The following TTC39C variants were observed in gnomAD, a reference collection of about 807,000 sequenced individuals.
TTC39C encodes the protein tetratricopeptide repeat domain 39C.
Under a neutral mutation model 76.3 loss-of-function variants are expected in TTC39C, and 33 were observed. The observed-to-expected ratio is 0.43, with a 90% CI of 0.33 to 0.58. TTC39C has a LOEUF of 0.58. Ranked by LOEUF, TTC39C falls within the 20% of genes least tolerant of loss-of-function variation. TTC39C has a pLI of 0.04. For synonymous variants in TTC39C, 254 were observed against 260.6 expected (o/e 0.97, Z 0.24); for missense variants, 595 against 701.4 (o/e 0.85, Z 1.71).
At chr18:24,100,408 C>T (rs531934835) in intron 6 of TTC39C, among the ~76,000 whole-genome samples, 1 of 152,330 alleles carries the variant, frequency 6.6e-6, no homozygotes, top group Admixed American at 6.5e-5. Flanking sequence ...CCCTTCACCT[C>T]TTTAAGCCTT....
chr18:24,018,983 C>A (rs529618390), intron 1 of TTC39C, among the ~76,000 whole-genome samples: 5 of 152,284 alleles, frequency 3.3e-5, no homozygotes, highest in African/African-American at 1.2e-4. Context: ...TTCACCATGA[C>A]CATTGTCCAC....
At chr18:24,115,963 A>G (rs1397019300) in intron 7 of TTC39C, among the ~76,000 whole-genome samples, 1 of 150,972 alleles carries the variant, frequency 6.6e-6, no homozygotes, top group Non-Finnish European at 1.5e-5. Flanking sequence ...ATGACAGGAT[A>G]GGATGTTAGA....
At chr18:24,111,520 G>T (rs1394585664) in intron 6 of TTC39C, among the ~76,000 whole-genome samples, 1 of 150,634 alleles carries the variant, frequency 6.6e-6, no homozygotes, top group African/African-American at 2.4e-5. Flanking sequence ...ATTGAGCCAA[G>T]ATCACGCCAC....
intron 1 of TTC39C, among the ~76,000 whole-genome samples, chr18:24,015,694 T>A (rs892543278): frequency 6.6e-6 from 1 of 152,166 alleles, no homozygotes; most frequent in African/African-American, 2.4e-5. Flanking sequence ...TTATTAAGAA[T>A]TTTTCCAACG....
intron 6 of TTC39C, among the ~76,000 whole-genome samples, chr18:24,095,714 CAAAA>C (rs199890072): frequency 6.6e-6 from 1 of 151,566 alleles, no homozygotes; most frequent in Non-Finnish European, 1.5e-5. Context: ...AACAAACAAA[CAAAA>C]AAAAACTTTT....
At chr18:24,060,788 C>G (rs910561111) in intron 1 of TTC39C, among the ~76,000 whole-genome samples, 10 of 152,146 alleles carry the variant, frequency 6.6e-5, no homozygotes, top group Admixed American at 1.3e-4. Context: ...GCAGCCTTAG[C>G]ATAACAGTAC....
chr18:24,019,926 G>A (rs2083499224), intron 1 of TTC39C: 1 of 1,520,358 alleles, frequency 6.6e-7, no homozygotes, highest in African/African-American at 1.4e-5. Flanking sequence ...GCTTGTAAGA[G>A]ATGTTGAGTC....
At chr18:24,039,741 G>A (rs959279815) in intron 1 of TTC39C, among the ~76,000 whole-genome samples, 5 of 152,184 alleles carry the variant, frequency 3.3e-5, no homozygotes, top group Non-Finnish European at 5.9e-5. Flanking sequence ...GTTAGAGAGC[G>A]ACTGTCATAG....
intron 6 of TTC39C, among the ~76,000 whole-genome samples, chr18:24,095,681 A>G (rs946455128): frequency 1.3e-5 from 2 of 152,232 alleles, no homozygotes; most frequent in Admixed American, 1.3e-4. Context: ...CCTGGGCGAC[A>G]AGAGTGAAAC....
intron 1 of TTC39C, among the ~76,000 whole-genome samples, chr18:23,997,449 G>T (rs1448313531): frequency 6.6e-6 from 1 of 151,076 alleles, no homozygotes; most frequent in Non-Finnish European, 1.5e-5. Context: ...TACTCAGGAG[G>T]CTGAGACAGG....
chr18:24,019,520 A>G (rs1451332826), intron 1 of TTC39C, among the ~76,000 whole-genome samples: 1 of 152,372 alleles, frequency 6.6e-6, no homozygotes, highest in East Asian at 1.9e-4. Flanking sequence ...ACATCAAAGG[A>G]ATGTATGGAC....
At position 24,014,912 on chromosome 18, in the gene TTC39C, A is replaced by G. The variant is rs2145639918; in HGVS notation, c.41A>G (p.Asp14Gly). 6.6e-7 allele frequency: 1 copy of G among 1,514,382 alleles called. No individual in the cohort carries two copies. The highest frequency in any genetic ancestry group is 2.7e-5 in the East Asian group (1 of 37,110). The allele number at this position is 1,514,382 out of a possible 1,614,324, so 93.8% of individuals were successfully genotyped here. The change falls in exon 1 of 14, where the codon GAC (aspartate) becomes GGC (glycine). Residue 14 changes from aspartate to glycine, a missense_variant. Asp to Gly is a moderately conservative substitution (Grantham distance 94). Coordinates refer to ENST00000317571, the MANE Select transcript of TTC39C (RefSeq NM_001135993.2). Reference sequence around the variant, plus strand: ...CAGCAGCGGCCGCGGCGGCGGGACGACGGAGACTCGGACGCGGCAGCGGCG... The same window carrying G: ...CAGCAGCGGCCGCGGCGGCGGGACGGCGGAGACTCGGACGCGGCAGCGGCG... ...SEQQRPRRRD[D>G]GDSDAAAAAA...
intron 6 of TTC39C, among the ~76,000 whole-genome samples, chr18:24,101,280 T>C (rs2084669843): frequency 6.7e-6 from 1 of 149,360 alleles, no homozygotes; most frequent in South Asian, 2.1e-4. Context: ...ATTTCTGCTT[T>C]TTACAACTTG....
intron 6 of TTC39C, among the ~76,000 whole-genome samples, chr18:24,097,279 G>T (rs1479339579): frequency 6.6e-6 from 1 of 152,174 alleles, no homozygotes; most frequent in African/African-American, 2.4e-5. Flanking sequence ...CATCACCTTT[G>T]CTCTTGCTGT....
chr18:24,102,740 A>G (rs1325157183), intron 6 of TTC39C, among the ~76,000 whole-genome samples: 1 of 152,168 alleles, frequency 6.6e-6, no homozygotes, highest in African/African-American at 2.4e-5. Flanking sequence ...CAGGGTTAAG[A>G]GCACCCCACA....
chr18:24,121,735 A>G (rs2084971015), intron 8 of TTC39C, among the ~76,000 whole-genome samples: 1 of 152,158 alleles, frequency 6.6e-6, no homozygotes, highest in Non-Finnish European at 1.5e-5. Flanking sequence ...AATGTTCTCA[A>G]TGATCTGAGG....
chr18:24,130,520 C>G, intron 12 of TTC39C, 103 bp downstream of exon 12: 1 of 306,706 alleles, frequency 3.3e-6, no homozygotes, highest in Non-Finnish European at 5.5e-6. Context: ...ACAAACTGAA[C>G]ACAGTGTTCT....
At chr18:24,022,093 AAC>A (rs1409522431) in intron 1 of TTC39C, among the ~76,000 whole-genome samples, 2 of 152,186 alleles carry the variant, frequency 1.3e-5, no homozygotes, top group Non-Finnish European at 2.9e-5. Flanking sequence ...GATAAATGTA[AAC>A]ACATAATGAT....
At chr18:24,110,425 A>G (rs1412391155) in intron 6 of TTC39C, among the ~76,000 whole-genome samples, 1 of 152,224 alleles carries the variant, frequency 6.6e-6, no homozygotes, top group Non-Finnish European at 1.5e-5. Flanking sequence ...AATTTGTTGT[A>G]AAAGAAGAGA....
Sources: allele counts gnomAD v4.1 joint callset (sites outside exome capture counted in the v4.1 genomes callset), GRCh38; gene constraint gnomAD v4.1.1; transcripts MANE v1.5; gene names NCBI Gene and HGNC (gene_info 2026-07-23, HGNC 2026-07-21).